Variants in FBRSL1 observed in about 807,000 individuals in gnomAD.
FBRSL1 encodes the protein fibrosin like 1.
FBRSL1 carries 51 observed loss-of-function variants against 89.6 expected under a neutral mutation model. The observed-to-expected ratio is 0.57, with a 90% CI of 0.45 to 0.72. The LOEUF (loss-of-function observed/expected upper bound fraction) is 0.72. FBRSL1 is among the 30% of genes least tolerant of loss of function. The pLI, the probability that FBRSL1 is intolerant of heterozygous loss-of-function variation, is 0.00. For missense variants in FBRSL1, 1,618 were observed against 1,451.8 expected (o/e 1.11, Z -1.86); for synonymous variants, 779 against 681.1 (o/e 1.14, Z -2.24).
At chr12:132,525,005 C>T (rs932061014) in intron 2 of FBRSL1, among the ~76,000 whole-genome samples, 1 of 151,988 alleles carries the variant, frequency 6.6e-6, no homozygotes, top group Non-Finnish European at 1.5e-5. Context: ...AGCGCCCGGG[C>T]CAGGCCCTGG....
intron 4 of FBRSL1, among the ~76,000 whole-genome samples, chr12:132,530,019 A>G (rs1216098184): frequency 6.6e-6 from 1 of 152,128 alleles, no homozygotes; most frequent in Non-Finnish European, 1.5e-5. Flanking sequence ...CATGGTCATG[A>G]GTATGATGAC....
chr12:132,501,066 C>T (rs2032886913), intron 1 of FBRSL1, among the ~76,000 whole-genome samples: 1 of 152,232 alleles, frequency 6.6e-6, no homozygotes, highest in African/African-American at 2.4e-5. Flanking sequence ...GCAGCCACTG[C>T]CAGGGAGGGG....
At chr12:132,504,040 A>T (rs2033363771) in intron 1 of FBRSL1, among the ~76,000 whole-genome samples, 1 of 152,038 alleles carries the variant, frequency 6.6e-6, no homozygotes, top group Non-Finnish European at 1.5e-5. Context: ...GACTTTGCCC[A>T]GGGGAACATG....
intron 11 of FBRSL1, among the ~76,000 whole-genome samples, chr12:132,572,848 C>T (rs1311291455): frequency 6.6e-6 from 1 of 152,206 alleles, no homozygotes; most frequent in Non-Finnish European, 1.5e-5. Flanking sequence ...GGGAGCAGCC[C>T]TGGGAGGTGG....
At chr12:132,494,974 G>A (rs887633732) in intron 1 of FBRSL1, among the ~76,000 whole-genome samples, 61 of 152,338 alleles carry the variant, frequency 4.0e-4, no homozygotes, top group Middle Eastern at 3.4e-3. Context: ...GATCGTGTGC[G>A]GCCCCCGGCC....
In FBRSL1 at chr12:132,508,461, AGC is replaced by A; in HGVS notation, c.489+116_489+117del. The A allele has an allele frequency of 2.5e-6, 3 of 1,218,524 alleles. No homozygotes were observed. In the South Asian group the frequency reaches 4.7e-5, roughly 19 times the overall value. The allele number at this position is 1,218,524 out of a possible 1,614,324, so 75.5% of individuals were successfully genotyped here. On this transcript the variant is annotated intron_variant, in intron 2 of 18. Transcript: ENST00000680143. ...CACGTGGCCCCCGGGCCTGCCTGGC[AGC>A]GCGCCCATCGTTGTCAGGCTTGGGG...
rs538639146 is a variant in FBRSL1 at position 132,561,270 on chromosome 12, T to G, written c.646-6211T>G. Reference sequence around the variant, plus strand: ...ACTGTGGCGTGACCAGAATGGGTGCTGGATGGCCCCAGCCGCGCGGCCCGT... The same window carrying G: ...ACTGTGGCGTGACCAGAATGGGTGCGGGATGGCCCCAGCCGCGCGGCCCGT... On this transcript the variant is annotated intron_variant, in intron 5 of 18. Coordinates refer to ENST00000680143, the MANE Select transcript of FBRSL1 (RefSeq NM_001367871.1). Among the ~76,000 whole-genome samples the G allele has an allele frequency of 3.1e-3, 473 of 152,318 alleles. 2 individuals are homozygous for G. The highest frequency in any genetic ancestry group is 6.8e-3 in the Middle Eastern group (2 of 294).
At chr12:132,494,259 C>T (rs538866233) in intron 1 of FBRSL1, among the ~76,000 whole-genome samples, 27 of 152,318 alleles carry the variant, frequency 1.8e-4, no homozygotes, top group African/African-American at 6.5e-4. Context: ...CTGGAAGCCC[C>T]CTACCCCTGG....
rs1281857826 is a variant in FBRSL1 at position 132,536,089 on chromosome 12, T to A, written c.615+8101T>A. 7.2e-5 allele frequency among the ~76,000 whole-genome samples: 9 copies of A among 124,278 alleles called. No individual in the cohort carries two copies. The South Asian group carries it at 2.4e-3, about 33-fold the overall frequency. 81.5% of individuals were successfully genotyped at this position (124,278 alleles called of 152,430 possible). A position where few individuals can be genotyped will look rare whatever the true frequency, so the allele number is the denominator to read the frequency against. On this transcript the variant is annotated intron_variant, in intron 4 of 18. Coordinates refer to ENST00000680143, the MANE Select transcript of FBRSL1 (RefSeq NM_001367871.1). ...CATGATAGTGTGTTCTGTGTGTACA[T>A]GGTGTGTGTGTGTGCATGTGTACAT...
intron 18 of FBRSL1, 109 bp from the exon 19 acceptor site, chr12:132,582,862 C>G: frequency 1.1e-6 from 1 of 906,494 alleles, no homozygotes; most frequent in Non-Finnish European, 1.5e-6. Flanking sequence ...GAGGGGTCAC[C>G]GGCCACCCAG....
At chr12:132,552,346 G>A (rs866104386) in intron 5 of FBRSL1, 7 of 156,494 alleles carry the variant, frequency 4.5e-5, no homozygotes, top group Non-Finnish European at 8.5e-5. Flanking sequence ...CTACCAGCAC[G>A]ACAGCCAGAG....
chr12:132,574,612 C>T, intron 14 of FBRSL1, 48 bp downstream of exon 14: 1 of 1,531,650 alleles, frequency 6.5e-7, no homozygotes, highest in South Asian at 1.2e-5. Flanking sequence ...CCGACTCCAG[C>T]CTGGTCGGGC....
At chr12:132,575,317 T>G (rs928421885) in intron 14 of FBRSL1, among the ~76,000 whole-genome samples, 17 of 152,180 alleles carry the variant, frequency 1.1e-4, no homozygotes, top group African/African-American at 4.1e-4. Flanking sequence ...AAGCTCCGCC[T>G]CCCGGGTTCA....
At position 132,527,679 on chromosome 12, in the gene FBRSL1, T is replaced by C. The variant is rs1202674920; in HGVS notation, c.580-274T>C. On this transcript the variant is annotated intron_variant, in intron 3 of 18. Coordinates refer to ENST00000680143, the MANE Select transcript of FBRSL1 (RefSeq NM_001367871.1). ...GGCAGGGTTGTGGGCTGCGGGGCTG[T>C]GGGGCAGGGTTGTGGGCTGCGGGGC... Among the ~76,000 whole-genome samples, 543 of 64,214 alleles carry C rather than the reference T, an allele frequency of 8.5e-3. 5 individuals carry two copies. The highest frequency in any genetic ancestry group is 0.054 in the East Asian group (129 of 2,404). The allele number at this position is 64,214 out of a possible 152,430, so 42.1% of individuals were successfully genotyped here. A position where few individuals can be genotyped will look rare whatever the true frequency, so the allele number is the denominator to read the frequency against.
chr12:132,509,910 C>A, intron 2 of FBRSL1: 1 of 1,231,366 alleles, frequency 8.1e-7, no homozygotes, highest in Non-Finnish European at 1.0e-6. Flanking sequence ...CTGCCCCCGG[C>A]GGGCCTTCCT....
chr12:132,496,097 G>A (rs983190456), intron 1 of FBRSL1, among the ~76,000 whole-genome samples: 21 of 152,220 alleles, frequency 1.4e-4, no homozygotes, highest in Admixed American at 3.9e-4. Context: ...CTGCACCTCC[G>A]CACGTGCTGC....
At chr12:132,534,305 G>A (rs1372739458) in intron 4 of FBRSL1, among the ~76,000 whole-genome samples, 5 of 152,220 alleles carry the variant, frequency 3.3e-5, no homozygotes, top group African/African-American at 4.8e-5. Context: ...GAGTGTCTGC[G>A]TGTGAGAACA....
At chr12:132,534,174 G>T (rs1329713356) in intron 4 of FBRSL1, among the ~76,000 whole-genome samples, 12 of 152,196 alleles carry the variant, frequency 7.9e-5, no homozygotes, top group Non-Finnish European at 1.8e-4. Flanking sequence ...CAGCATGGGG[G>T]CAGCAGGGAC....
At chr12:132,549,349 T>C (rs2037957865) in intron 5 of FBRSL1, among the ~76,000 whole-genome samples, 1 of 151,946 alleles carries the variant, frequency 6.6e-6, no homozygotes. Context: ...CCCATAGGAG[T>C]GGCCTCACCC....
Sources: allele counts gnomAD v4.1 joint callset (sites outside exome capture counted in the v4.1 genomes callset), GRCh38; gene constraint gnomAD v4.1.1; transcripts MANE v1.5; gene names NCBI Gene and HGNC (gene_info 2026-07-23, HGNC 2026-07-21).